Variants in GTF2A1 observed in about 807,000 individuals in gnomAD.
GTF2A1 encodes the protein transcription initiation factor IIA subunit 1.
In GTF2A1, 12 loss-of-function variants were observed where a neutral mutation model predicts 54.1. The observed-to-expected ratio is 0.22, with a 90% CI of 0.14 to 0.36. The LOEUF is 0.36. Ranked by LOEUF, GTF2A1 falls within the 10% of genes least tolerant of loss-of-function variation. The pLI is 1.00. For missense variants in GTF2A1, 335 were observed against 442.2 expected (o/e 0.76, Z 2.17); for synonymous variants, 145 against 152.0 (o/e 0.95, Z 0.34).
intron 4 of GTF2A1, among the ~76,000 whole-genome samples, chr14:81,201,091 C>T (rs1893100160): frequency 6.6e-6 from 1 of 152,064 alleles, no homozygotes; most frequent in Non-Finnish European, 1.5e-5. Context: ...TAATATAACT[C>T]AGCTGGTTAA....
intron 2 of GTF2A1, among the ~76,000 whole-genome samples, chr14:81,213,482 A>G (rs1414264313): frequency 2.6e-5 from 4 of 152,202 alleles, no homozygotes; most frequent in Non-Finnish European, 5.9e-5. Flanking sequence ...ACATCTTTAG[A>G]ACTGATTTTC....
chr14:81,195,767 CTG>C (rs1293529705), intron 6 of GTF2A1, among the ~76,000 whole-genome samples: 3 of 151,944 alleles, frequency 2.0e-5, no homozygotes, highest in Non-Finnish European at 4.4e-5. Flanking sequence ...AGAGTCATGT[CTG>C]TGTCATTCAC....
intron 8 of GTF2A1, among the ~76,000 whole-genome samples, chr14:81,181,382 CAGA>C (rs1206258578): frequency 2.6e-5 from 4 of 151,074 alleles, no homozygotes; most frequent in East Asian, 1.9e-4. Flanking sequence ...CTTTCATTTT[CAGA>C]AGAAGAAATG....
intron 6 of GTF2A1, among the ~76,000 whole-genome samples, chr14:81,194,227 T>A (rs1892941420): frequency 6.6e-6 from 1 of 152,200 alleles, no homozygotes; most frequent in Non-Finnish European, 1.5e-5. Flanking sequence ...GAACTGCACA[T>A]GCAAGGATGG....
chr14:81,210,457 G>A (rs1014418269), intron 2 of GTF2A1, among the ~76,000 whole-genome samples: 2 of 152,034 alleles, frequency 1.3e-5, no homozygotes, highest in African/African-American at 4.8e-5. Context: ...ACGAGGGCAG[G>A]AGTTCAACAC....
chr14:81,217,775 G>C (rs2099109), intron 1 of GTF2A1, among the ~76,000 whole-genome samples: 19,493 of 152,132 alleles, frequency 0.13, 1,430 homozygotes, highest in African/African-American at 0.2. Context: ...CTGGGTGACA[G>C]GCCCAGACCC....
intron 4 of GTF2A1, among the ~76,000 whole-genome samples, 155 bp from the exon 5 acceptor site, chr14:81,197,639 G>T (rs1174278331): frequency 1.3e-5 from 2 of 152,110 alleles, no homozygotes; most frequent in Non-Finnish European, 2.9e-5. Flanking sequence ...AATGGTACAA[G>T]ACTGACCAAC....
Position 81,220,915 on chromosome 14 carries a change from A to C in GTF2A1, c.-397T>G, listed in dbSNP as rs1893628714. On this transcript the variant is annotated 5_prime_UTR_variant, in exon 1 of 9. Transcript: ENST00000553612. ...TCTCTCCTTTATATAGCGAGCCAAC[A>C]AGCTGCGCGAGCCACCACCGCCGCC... 5 of 175,860 alleles carry C rather than the reference A, an allele frequency of 2.8e-5. No homozygotes were observed. The highest frequency in any genetic ancestry group is 4.7e-5 in the Non-Finnish European group (4 of 84,608). The allele number at this position is 175,860 out of a possible 1,614,324, so 10.9% of individuals were successfully genotyped here. A position where few individuals can be genotyped will look rare whatever the true frequency, so the allele number is the denominator to read the frequency against.
At chr14:81,186,540 T>TA (rs1215639435) in intron 7 of GTF2A1, among the ~76,000 whole-genome samples, 3 of 151,962 alleles carry the variant, frequency 2.0e-5, no homozygotes, top group Non-Finnish European at 4.4e-5. Context: ...GAGCATAAAA[T>TA]AAACAACCAT....
At chr14:81,211,333 A>G (rs1256015843) in intron 2 of GTF2A1, among the ~76,000 whole-genome samples, 2 of 152,196 alleles carry the variant, frequency 1.3e-5, no homozygotes, top group Non-Finnish European at 2.9e-5. Context: ...CCGACCATCA[A>G]AACCATCTCA....
intron 2 of GTF2A1, among the ~76,000 whole-genome samples, chr14:81,208,093 T>C (rs1048758663): frequency 1.3e-5 from 2 of 152,102 alleles, no homozygotes; most frequent in African/African-American, 4.8e-5. Flanking sequence ...TCCAAGACCA[T>C]GGGGAAAATG....
intron 6 of GTF2A1, among the ~76,000 whole-genome samples, chr14:81,194,092 CCT>C (rs1457050532): frequency 1.3e-4 from 20 of 152,146 alleles, no homozygotes; most frequent in African/African-American, 3.1e-4. Context: ...GTCCCCAACC[CCT>C]GTTAGAAACT....
chr14:81,182,258 A>G (rs1349521010), intron 8 of GTF2A1, among the ~76,000 whole-genome samples: 7 of 152,198 alleles, frequency 4.6e-5, no homozygotes, highest in Admixed American at 4.6e-4. Flanking sequence ...ATTAAGAACT[A>G]ATTATATCTC....
chr14:81,217,945 C>T (rs1162557303), intron 1 of GTF2A1, among the ~76,000 whole-genome samples: 2 of 152,150 alleles, frequency 1.3e-5, no homozygotes, highest in Non-Finnish European at 2.9e-5. Context: ...CCAAATCCGC[C>T]TCTTGAAGTT....
chr14:81,176,289 AC>A lies in GTF2A1; in HGVS notation c.*3933del, dbSNP rs1892526321. 2 of 152,228 alleles carry A rather than the reference AC, an allele frequency of 1.3e-5. No homozygotes were observed. The highest frequency in any genetic ancestry group is 4.2e-4 in the South Asian group (2 of 4,818). 9.4% of individuals were successfully genotyped at this position (152,228 alleles called of 1,614,324 possible). ...ATATCCCATATATCACAGAAGAGCA[AC>A]CTTGATCTGCAATGAATTTTACAAA... is the stretch of plus-strand genomic sequence containing the variant. On this transcript the variant is annotated 3_prime_UTR_variant, in exon 9 of 9. Coordinates refer to ENST00000553612, the MANE Select transcript of GTF2A1 (RefSeq NM_015859.4).
intron 3 of GTF2A1, chr14:81,202,581 T>G (rs1893137443): frequency 4.1e-6 from 2 of 482,604 alleles, no homozygotes; most frequent in Non-Finnish European, 8.2e-6. Flanking sequence ...ATCAATATGG[T>G]GGCCTCCTGA....
At chr14:81,213,338 T>TA (rs5810019) in intron 2 of GTF2A1, among the ~76,000 whole-genome samples, 150,910 of 152,324 alleles carry the variant, frequency 0.99, 74,850 homozygotes, top group Non-Finnish European at 1. Context: ...GTCTCAAAGA[T>TA]GCTCATTCTC....
intron 1 of GTF2A1, 121 bp downstream of exon 1, chr14:81,220,368 G>A (rs1228154730): frequency 8.8e-6 from 4 of 456,966 alleles, no homozygotes; most frequent in Admixed American, 9.9e-5. Context: ...GGCGGCGGCG[G>A]CGGCCGCGCG....
At chr14:81,204,803 A>G (rs1429472971) in intron 2 of GTF2A1, among the ~76,000 whole-genome samples, 3 of 152,240 alleles carry the variant, frequency 2.0e-5, no homozygotes, top group Non-Finnish European at 4.4e-5. Flanking sequence ...GAAAAATCAT[A>G]ATGGACAAAA....
Sources: gnomAD v4.1 joint callset for allele counts (sites outside exome capture counted in the v4.1 genomes callset) on GRCh38, gnomAD v4.1.1 for gene constraint, MANE v1.5 for transcripts, NCBI Gene and HGNC (gene_info 2026-07-23, HGNC 2026-07-21) for gene names.